TENM2: variants seen among roughly 807,000 people sequenced by gnomAD.
TENM2 encodes the protein teneurin transmembrane protein 2.
Under a neutral mutation model 245.2 loss-of-function variants are expected in TENM2, and 52 were observed. The ratio of observed to expected loss-of-function variants is 0.21; its 90% CI spans 0.17 to 0.27. TENM2 has a LOEUF of 0.27. Ranked by LOEUF, TENM2 falls within the 10% of genes least tolerant of loss-of-function variation. The pLI is 1.00. For missense variants in TENM2, 3,046 were observed against 3,666.8 expected (o/e 0.83, Z 4.37); for synonymous variants, 1,363 against 1,438.9 (o/e 0.95, Z 1.19).
chr5:167,524,882 A>G lies in TENM2; in HGVS notation c.502+149409A>G, dbSNP rs533597835. Reference sequence around the variant, plus strand: ...GTAAAAAGAAATGCCAGTTCTCTCTATTACAAATTAAACTCTCATCCCACC... The same window carrying G: ...GTAAAAAGAAATGCCAGTTCTCTCTGTTACAAATTAAACTCTCATCCCACC... On this transcript the variant is annotated intron_variant, in intron 2 of 28. Coordinates refer to ENST00000518659, the Ensembl canonical transcript of TENM2. Among the ~76,000 whole-genome samples the G allele has an allele frequency of 3.3e-5, 5 of 151,892 alleles. 1 individual carries two copies. The highest frequency in any genetic ancestry group is 1.2e-4 in the African/African-American group (5 of 41,448).
intron 2 of TENM2, among the ~76,000 whole-genome samples, chr5:167,644,769 T>C (rs982730467): frequency 6.6e-5 from 10 of 152,206 alleles, no homozygotes; most frequent in African/African-American, 2.2e-4. Context: ...CTAAACTGTC[T>C]TTCAAAATGA....
chr5:167,462,768 A>G (rs541521862), intron 2 of TENM2, among the ~76,000 whole-genome samples: 99 of 151,860 alleles, frequency 6.5e-4, no homozygotes, highest in African/African-American at 2.3e-3. Flanking sequence ...GGGTACAGGG[A>G]CTGTGGCGCG....
intron 22 of TENM2, among the ~76,000 whole-genome samples, chr5:168,217,310 C>T (rs982171898): frequency 2.0e-5 from 3 of 152,180 alleles, no homozygotes; most frequent in Non-Finnish European, 4.4e-5. Flanking sequence ...TGACTGCATC[C>T]TCACTATATA....
intron 7 of TENM2, among the ~76,000 whole-genome samples, chr5:168,077,658 A>G (rs1169494833): frequency 2.0e-5 from 3 of 152,014 alleles, no homozygotes; most frequent in South Asian, 4.1e-4. Context: ...ATTCCCATCT[A>G]TGAGTGAGAA....
exon 21 of TENM2, chr5:168,215,108 C>T (rs1391047239): frequency 1.2e-6 from 2 of 1,613,802 alleles, no homozygotes; most frequent in Non-Finnish European, 1.7e-6. Flanking sequence ...GTGTCCGACA[C>T]CAACAGCAGG....
Position 168,238,196 on chromosome 5 carries a change from AGG to A in TENM2, c.5521-6222_5521-6221del, listed in dbSNP as rs1332543290. 9.2e-5 allele frequency among the ~76,000 whole-genome samples: 6 copies of A among 65,360 alleles called. 1 individual carries two copies. Among genetic ancestry groups the A allele is most frequent in the African/African-American group, 2.9e-4 (6 of 20,510 alleles). The allele number at this position is 65,360 out of a possible 152,430, so 42.9% of individuals were successfully genotyped here. A position where few individuals can be genotyped will look rare whatever the true frequency, so the allele number is the denominator to read the frequency against. ...GAGAGAGAGAGAGAGGGAGGGAGGGAGGGAGGGAGGGAGGGAGGGAGAGAGAA... is the reference window on the plus strand; with the variant it reads ...GAGAGAGAGAGAGAGGGAGGGAGGGAGAGGGAGGGAGGGAGGGAGAGAGAA... On this transcript the variant is annotated intron_variant, in intron 25 of 28. Transcript: ENST00000518659.
chr5:168,246,222 T>C (rs1766554278), intron 26 of TENM2, among the ~76,000 whole-genome samples: 1 of 138,406 alleles, frequency 7.2e-6, no homozygotes, highest in Non-Finnish European at 1.6e-5. Flanking sequence ...GGTGATGGAG[T>C]GAGACTCTGT....
At chr5:167,130,878 G>A in the TENM2 span, among the ~76,000 whole-genome samples, 1 of 137,756 alleles carries the variant, frequency 7.3e-6, no homozygotes, top group Admixed American at 7.3e-5. Flanking sequence ...TTTGCAGCCA[G>A]TGTTAAATGC....
rs182232637 is a variant in TENM2 at position 168,045,936 on chromosome 5, C to A, written c.1187-1491C>A. On this transcript the variant is annotated intron_variant, in intron 5 of 28. Coordinates refer to ENST00000518659, the Ensembl canonical transcript of TENM2. ...AACTGCAGGAGAAAATTAGGTGTTA[C>A]CTTGATGGAAAGTGTACAGTAAATG... Among the ~76,000 whole-genome samples the A allele has an allele frequency of 1.4e-3, 212 of 152,244 alleles. 3 individuals carry two copies. Among genetic ancestry groups the A allele is most frequent in the Admixed American group, 0.013 (194 of 15,292 alleles).
chr5:167,006,246 A>C, the TENM2 span, among the ~76,000 whole-genome samples: 1 of 152,212 alleles, frequency 6.6e-6, no homozygotes, highest in Non-Finnish European at 1.5e-5. Flanking sequence ...GACACTAGAT[A>C]CTTTTTAGGG....
At chr5:167,889,289 G>T (rs1774543810) in intron 3 of TENM2, among the ~76,000 whole-genome samples, 1 of 151,950 alleles carries the variant, frequency 6.6e-6, no homozygotes, top group African/African-American at 2.4e-5. Context: ...CTCTGCTTTT[G>T]AATTGTGTTG....
chr5:167,967,684 A>G (rs1293186374), intron 4 of TENM2, among the ~76,000 whole-genome samples: 3 of 152,204 alleles, frequency 2.0e-5, no homozygotes, highest in Non-Finnish European at 4.4e-5. Context: ...CCAATTACAA[A>G]TTGAGACCAC....
chr5:167,839,701 A>G (rs1218271500), intron 2 of TENM2, among the ~76,000 whole-genome samples: 1 of 152,192 alleles, frequency 6.6e-6, no homozygotes, highest in East Asian at 1.9e-4. Flanking sequence ...GAGCACATGC[A>G]GTGTTTGCAG....
chr5:167,939,756 C>T lies in TENM2; in HGVS notation c.713-12832C>T, dbSNP rs374842028. 2.0e-5 allele frequency among the ~76,000 whole-genome samples: 3 copies of T among 152,334 alleles called. No individual in the cohort carries two copies. In the East Asian group the frequency reaches 5.8e-4, roughly 29 times the overall value. On this transcript the variant is annotated intron_variant, in intron 3 of 28. Coordinates refer to ENST00000518659, the Ensembl canonical transcript of TENM2. ...TTTGATTTGCAAACTCTTAGCAAAT[C>T]ATCCTCTTTCTGTGCCACATCGAGT...
the TENM2 span, among the ~76,000 whole-genome samples, chr5:167,231,266 C>A: frequency 6.6e-6 from 1 of 152,150 alleles, no homozygotes; most frequent in Non-Finnish European, 1.5e-5. Context: ...CAGTAATAGG[C>A]AGAGGGTGGA....
intron 3 of TENM2, among the ~76,000 whole-genome samples, chr5:167,893,008 A>T (rs1318886897): frequency 6.6e-6 from 1 of 152,204 alleles, no homozygotes; most frequent in Non-Finnish European, 1.5e-5. Context: ...TGATTAACTC[A>T]TTATGACTGA....
chr5:167,340,960 C>T (rs776321794), intron 1 of TENM2, among the ~76,000 whole-genome samples: 14 of 152,112 alleles, frequency 9.2e-5, no homozygotes, highest in Admixed American at 3.3e-4. Context: ...GGAGCTTGCT[C>T]GGCTGTCATG....
At chr5:168,060,227 G>GAA (rs79503783) in intron 6 of TENM2, among the ~76,000 whole-genome samples, 3 of 119,644 alleles carry the variant, frequency 2.5e-5, no homozygotes, top group Admixed American at 8.9e-5. Flanking sequence ...TTGTCTCTAC[G>GAA]AAAAAAAAAA....
exon 15 of TENM2, chr5:168,195,253 A>G: frequency 6.2e-7 from 1 of 1,606,036 alleles, no homozygotes; most frequent in Non-Finnish European, 8.5e-7. Flanking sequence ...TCTTTTGTCA[A>G]GTACCCAAAA....
Sources: gnomAD v4.1 joint callset for allele counts (sites outside exome capture counted in the v4.1 genomes callset) on GRCh38, gnomAD v4.1.1 for gene constraint, MANE v1.5 for transcripts, NCBI Gene and HGNC (gene_info 2026-07-23, HGNC 2026-07-21) for gene names.